The following PALM2AKAP2 variants were observed in gnomAD, a reference collection of about 807,000 sequenced individuals.
PALM2AKAP2 encodes PALM2-AKAP2 fusion protein.
In PALM2AKAP2, 37 loss-of-function variants were observed where a neutral mutation model predicts 71.5. That is an observed-to-expected ratio of 0.52 (90% CI 0.40 to 0.68). The LOEUF (loss-of-function observed/expected upper bound fraction) is 0.68, where lower values mean the gene tolerates loss of function less well. PALM2AKAP2 is among the 30% of genes least tolerant of loss of function. The pLI is 0.00. For synonymous variants in PALM2AKAP2, 468 were observed against 478.8 expected (o/e 0.98, Z 0.29); for missense variants, 1,224 against 1,191.8 (o/e 1.03, Z -0.40).
chr9:109,840,082 G>GC (rs1828611270), intron 1 of PALM2AKAP2, among the ~76,000 whole-genome samples: 2 of 152,262 alleles, frequency 1.3e-5, no homozygotes, highest in African/African-American at 4.8e-5. Flanking sequence ...AAAGAACAAA[G>GC]GTGGAGGCAT....
rs563673835 is a variant in PALM2AKAP2, at chr9:109,898,226, A to T, written c.257+17545A>T. On this transcript the variant is annotated intron_variant, in intron 3 of 9. Transcript: ENST00000302798. ...ACCCTATTCACCTTGCAACAGTTGT[A>T]CTCTGCGCACCTGCCCCAGGTTATA... 4.6e-5 allele frequency among the ~76,000 whole-genome samples: 7 copies of T among 152,322 alleles called. No individual in the cohort carries two copies. The South Asian group carries it at 1.4e-3, about 32-fold the overall frequency.
chr9:109,776,727 A>G (rs895340190), upstream of PALM2AKAP2, among the ~76,000 whole-genome samples: 3 of 151,874 alleles, frequency 2.0e-5, no homozygotes, highest in East Asian at 1.9e-4. Context: ...CAGCCAGAGG[A>G]AAAAAAAATG....
At chr9:109,910,165 A>G (rs1397806030) in intron 3 of PALM2AKAP2, among the ~76,000 whole-genome samples, 1 of 152,244 alleles carries the variant, frequency 6.6e-6, no homozygotes, top group Admixed American at 6.5e-5. Context: ...ACGTGATGAT[A>G]GTAAGCGAGG....
rs1005172737 is a variant in PALM2AKAP2 at position 109,747,474 on chromosome 9, T to C, written c.6-33014T>C. On this transcript the variant is annotated intron_variant, in intron 1 of 6. Transcript: ENST00000374531. ...TCATGCAGAATTTGATATAAAATTA[T>C]ATATACTCATAAGAAGAACCAAAGA... Among the ~76,000 whole-genome samples, 4 of 152,210 alleles carry C rather than the reference T, an allele frequency of 2.6e-5. No homozygotes were observed. In the South Asian group the frequency reaches 8.3e-4, roughly 32 times the overall value.
At chr9:110,021,740 T>TAA (rs1427928074) in intron 7 of PALM2AKAP2, among the ~76,000 whole-genome samples, 1 of 138,346 alleles carries the variant, frequency 7.2e-6, no homozygotes, top group Non-Finnish European at 1.6e-5. Context: ...GACATTGAAT[T>TAA]TAAAAAAAAA....
At chr9:110,136,227 A>G (rs777828805) in exon 2 of PALM2AKAP2, 9 of 1,614,064 alleles carry the variant, frequency 5.6e-6, no homozygotes, top group African/African-American at 5.3e-5. Flanking sequence ...CTTTCCCCAG[A>G]TCACAAAAAC....
chr9:110,067,107 G>A (rs1031968751), intron 1 of PALM2AKAP2, among the ~76,000 whole-genome samples: 16 of 152,148 alleles, frequency 1.1e-4, no homozygotes, highest in Non-Finnish European at 2.1e-4. Flanking sequence ...ACGTTAGTCT[G>A]TTTTATCGAA....
intron 7 of PALM2AKAP2, among the ~76,000 whole-genome samples, chr9:110,041,700 G>C (rs541368010): frequency 6.6e-6 from 1 of 152,176 alleles, no homozygotes; most frequent in Non-Finnish European, 1.5e-5. Flanking sequence ...AAGAACCACA[G>C]TAAACACAGT....
rs751035084 is a variant in PALM2AKAP2 at position 110,136,714 on chromosome 9, A to G, written c.744A>G (p.Ser248=). The G allele has an allele frequency of 6.8e-6, 11 of 1,613,028 alleles. 1 individual carries two copies. Among genetic ancestry groups the G allele is most frequent in the African/African-American group, 1.3e-5 (1 of 75,032 alleles). Residue 248 remains serine (S), a synonymous_variant, in exon 2 of 4, where the codon TCA becomes TCG. Coordinates refer to ENST00000374525, the Ensembl canonical transcript of PALM2AKAP2. ...TCAGCCCCAGCTCCACAACCAGCTC[A>G]CGGTGTTCTTCCCGAGATGGAGAGT...
At chr9:110,162,985 T>TCCCAAA (rs1268600879) in intron 3 of PALM2AKAP2, among the ~76,000 whole-genome samples, 5 of 152,160 alleles carry the variant, frequency 3.3e-5, no homozygotes, top group Admixed American at 6.5e-5. Context: ...GCATTGAGGT[T>TCCCAAA]ACAGGTGTGA....
chr9:110,079,260 C>T (rs1020967096), intron 1 of PALM2AKAP2, among the ~76,000 whole-genome samples: 1 of 152,084 alleles, frequency 6.6e-6, no homozygotes, highest in African/African-American at 2.4e-5. Flanking sequence ...CTTTGGGAGG[C>T]CGAGGTGGGT....
At chr9:109,924,406 G>T (rs1311842873) in intron 4 of PALM2AKAP2, among the ~76,000 whole-genome samples, 2 of 152,100 alleles carry the variant, frequency 1.3e-5, no homozygotes, top group African/African-American at 4.8e-5. Context: ...AGACCATCCT[G>T]GCTAACGTGG....
intron 1 of PALM2AKAP2, among the ~76,000 whole-genome samples, chr9:110,135,819 A>G (rs1835851311): frequency 6.6e-6 from 1 of 152,218 alleles, no homozygotes; most frequent in Admixed American, 6.5e-5. Context: ...ACAGCCTGCA[A>G]TCATTTGCCG....
chr9:109,790,757 T>C (rs1827093097), intron 1 of PALM2AKAP2, among the ~76,000 whole-genome samples: 1 of 152,224 alleles, frequency 6.6e-6, no homozygotes, highest in Admixed American at 6.5e-5. Flanking sequence ...TGATATCACG[T>C]GCTGTTTCTA....
chr9:109,837,765 A>G (rs2131567505), intron 1 of PALM2AKAP2, among the ~76,000 whole-genome samples: 1 of 152,308 alleles, frequency 6.6e-6, no homozygotes, highest in East Asian at 1.9e-4. Context: ...ACCAACAAAA[A>G]TCAAAAGAGA....
At chr9:109,956,909 A>G (rs1484630468) in intron 6 of PALM2AKAP2, among the ~76,000 whole-genome samples, 1 of 152,180 alleles carries the variant, frequency 6.6e-6, no homozygotes, top group Non-Finnish European at 1.5e-5. Context: ...CCTCTTAAAA[A>G]AAATAAAAAT....
At chr9:110,164,751 G>A (rs1316490034) in intron 3 of PALM2AKAP2, among the ~76,000 whole-genome samples, 1 of 152,116 alleles carries the variant, frequency 6.6e-6, no homozygotes, top group Admixed American at 6.5e-5. Flanking sequence ...GGCTGGTCTC[G>A]AACACCTAGT....
chr9:109,776,484 C>G (rs897215653), upstream of PALM2AKAP2, among the ~76,000 whole-genome samples: 4 of 152,150 alleles, frequency 2.6e-5, no homozygotes, highest in Non-Finnish European at 5.9e-5. Context: ...TGGGTACAAC[C>G]AAAGGTGAAC....
intron 1 of PALM2AKAP2, among the ~76,000 whole-genome samples, chr9:109,692,499 G>A (rs1460352109): frequency 2.0e-5 from 3 of 151,922 alleles, no homozygotes; most frequent in South Asian, 2.1e-4. Flanking sequence ...GTGAGAGCAA[G>A]CATATTTGCC....
Sources: allele counts gnomAD v4.1 joint callset (sites outside exome capture counted in the v4.1 genomes callset), GRCh38; gene constraint gnomAD v4.1.1; transcripts MANE v1.5; gene names NCBI Gene and HGNC (gene_info 2026-07-23, HGNC 2026-07-21).